GNA14: variants seen among roughly 807,000 people sequenced by gnomAD.
GNA14 encodes the protein G protein subunit alpha 14, also known as guanine nucleotide-binding protein subunit alpha-14.
GNA14 carries 50 observed loss-of-function variants against 42.0 expected under a neutral mutation model. The ratio of observed to expected loss-of-function variants is 1.19; its 90% CI spans 0.95 to 1.51. The LOEUF (loss-of-function observed/expected upper bound fraction) is 1.51, where lower values mean the gene tolerates loss of function less well. GNA14 is among the 40% of genes most tolerant of loss of function. The pLI is 0.00. For synonymous variants in GNA14, 173 were observed against 163.1 expected, an observed-to-expected ratio of 1.06 and a Z score of -0.46; for missense variants, 473 against 446.2, an observed-to-expected ratio of 1.06 and a Z score of -0.54.
At chr9:77,430,632 G>A (rs1295614077) in intron 4 of GNA14, among the ~76,000 whole-genome samples, 1 of 152,174 alleles carries the variant, frequency 6.6e-6, no homozygotes, top group African/African-American at 2.4e-5. Context: ...GATGTGGGAG[G>A]ACTGATGTGT....
intron 1 of GNA14, among the ~76,000 whole-genome samples, chr9:77,610,590 C>G (rs1436462018): frequency 6.6e-6 from 1 of 152,102 alleles, no homozygotes; most frequent in Non-Finnish European, 1.5e-5. Context: ...AGAGTTTTAA[C>G]ATATAAATTT....
intron 2 of GNA14, among the ~76,000 whole-genome samples, chr9:77,437,957 G>T (rs1383318304): frequency 6.6e-6 from 1 of 152,190 alleles, no homozygotes; most frequent in Non-Finnish European, 1.5e-5. Flanking sequence ...CCAGCCTTTG[G>T]CTCTTTTAGT....
chr9:77,600,014 G>A (rs895704719), intron 1 of GNA14, among the ~76,000 whole-genome samples: 1 of 152,102 alleles, frequency 6.6e-6, no homozygotes, highest in African/African-American at 2.4e-5. Flanking sequence ...GCTTGATTTA[G>A]CCATTCCACA....
At chr9:77,646,122 A>T (rs986340584) in intron 1 of GNA14, among the ~76,000 whole-genome samples, 4 of 152,188 alleles carry the variant, frequency 2.6e-5, no homozygotes, top group African/African-American at 9.6e-5. Flanking sequence ...GCCAATGAAC[A>T]GAGCCCCTTC....
At chr9:77,445,668 G>A (rs1036376585) in intron 2 of GNA14, among the ~76,000 whole-genome samples, 23 of 152,098 alleles carry the variant, frequency 1.5e-4, no homozygotes, top group African/African-American at 4.8e-4. Context: ...CTTGAACCTA[G>A]GAGTCGGAGG....
intron 1 of GNA14, among the ~76,000 whole-genome samples, chr9:77,560,919 C>A (rs1187967173): frequency 1.3e-5 from 2 of 152,072 alleles, no homozygotes; most frequent in Admixed American, 1.3e-4. Context: ...AAAGAATAGA[C>A]CCATTCCTCC....
At chr9:77,502,519 G>A (rs1388671172) in intron 2 of GNA14, among the ~76,000 whole-genome samples, 2 of 152,160 alleles carry the variant, frequency 1.3e-5, no homozygotes, top group Non-Finnish European at 2.9e-5. Flanking sequence ...GGCCTCCACT[G>A]AGACCTCCCT....
intron 2 of GNA14, among the ~76,000 whole-genome samples, chr9:77,450,359 C>T (rs1835884057): frequency 6.6e-6 from 1 of 152,144 alleles, no homozygotes. Context: ...AGGGCAGAGA[C>T]CGTAATCCTC....
At chr9:77,529,999 TGATAAA>T (rs1327715501) in intron 1 of GNA14, among the ~76,000 whole-genome samples, 1 of 152,266 alleles carries the variant, frequency 6.6e-6, no homozygotes, top group Non-Finnish European at 1.5e-5. Context: ...ATATTTTCTT[TGATAAA>T]GATAATTTAT....
chr9:77,572,923 G>T (rs1045242006), intron 1 of GNA14, among the ~76,000 whole-genome samples: 1 of 152,106 alleles, frequency 6.6e-6, no homozygotes. Context: ...CAGGTCAATA[G>T]AACTAGCTGA....
At chr9:77,549,862 C>T (rs1837768057) in intron 1 of GNA14, among the ~76,000 whole-genome samples, 2 of 152,146 alleles carry the variant, frequency 1.3e-5, no homozygotes, top group Non-Finnish European at 2.9e-5. Context: ...AGCTTCACAT[C>T]CTCGTTGCAA....
intron 2 of GNA14, among the ~76,000 whole-genome samples, chr9:77,468,548 A>G (rs937370134): frequency 6.6e-6 from 1 of 152,192 alleles, no homozygotes; most frequent in African/African-American, 2.4e-5. Flanking sequence ...ATATTTATTA[A>G]TATTTCAAGA....
chr9:77,477,284 T>C (rs574939156), intron 2 of GNA14, among the ~76,000 whole-genome samples: 1 of 151,792 alleles, frequency 6.6e-6, no homozygotes, highest in South Asian at 2.1e-4. Context: ...AAGGCAGAGG[T>C]TGCAGTGAAC....
intron 2 of GNA14, among the ~76,000 whole-genome samples, chr9:77,501,929 G>T (rs976181567): frequency 1.3e-5 from 2 of 151,542 alleles, no homozygotes; most frequent in Non-Finnish European, 2.9e-5. Flanking sequence ...CAGGATGGTC[G>T]ATCTCTTGAC....
chr9:77,437,468 C>T lies in GNA14; in HGVS notation c.310-2946G>A, dbSNP rs187419580. Among the ~76,000 whole-genome samples, 869 of 151,966 alleles carry T rather than the reference C, an allele frequency of 5.7e-3. 7 individuals carry two copies. The highest frequency in any genetic ancestry group is 0.01 in the Middle Eastern group (3 of 294). ...GGCTGAGGCAGGAGTATTGCTTGAA[C>T]CCAGGAGGCAGAGGTTGCAGTGAGA... is the stretch of plus-strand genomic sequence containing the variant. On this transcript the variant is annotated intron_variant, in intron 2 of 6. Coordinates refer to ENST00000341700, the MANE Select transcript of GNA14 (RefSeq NM_004297.4).
At chr9:77,638,642 C>A (rs1824216003) in intron 1 of GNA14, among the ~76,000 whole-genome samples, 2 of 152,136 alleles carry the variant, frequency 1.3e-5, no homozygotes, top group African/African-American at 4.8e-5. Flanking sequence ...TGTGTACATT[C>A]CGAGAGGTAG....
chr9:77,631,866 A>C (rs1379922073), intron 1 of GNA14, among the ~76,000 whole-genome samples: 1 of 152,178 alleles, frequency 6.6e-6, no homozygotes, highest in Non-Finnish European at 1.5e-5. Flanking sequence ...CTGGGGCTGC[A>C]TGTTCCATGG....
chr9:77,491,044 C>A (rs554094075), intron 2 of GNA14, among the ~76,000 whole-genome samples: 1 of 152,224 alleles, frequency 6.6e-6, no homozygotes, highest in Admixed American at 6.5e-5. Flanking sequence ...GGAAACCATA[C>A]AGTCCAGGAG....
intron 1 of GNA14, among the ~76,000 whole-genome samples, chr9:77,559,934 G>A (rs1264090162): frequency 5.3e-5 from 8 of 152,058 alleles, no homozygotes; most frequent in Non-Finnish European, 1.2e-4. Context: ...CTTGTTATGC[G>A]ACATACACCA....
Sources: allele counts gnomAD v4.1 joint callset (sites outside exome capture counted in the v4.1 genomes callset), GRCh38; gene constraint gnomAD v4.1.1; transcripts MANE v1.5; gene names NCBI Gene and HGNC (gene_info 2026-07-23, HGNC 2026-07-21).